The following ERBB2 variants were observed in gnomAD, a reference collection of about 807,000 sequenced individuals.
ERBB2 encodes the protein receptor tyrosine-protein kinase erbB-2.
A neutral mutation model predicts 149.0 loss-of-function variants in ERBB2; 61 were observed. The observed-to-expected ratio is 0.41, with a 90% confidence interval of 0.33 to 0.51. ERBB2 has a LOEUF of 0.51. Among genes scored for constraint, ERBB2 ranks in the 20% least tolerant of loss-of-function variants. ERBB2 has a pLI of 0.25. For synonymous variants in ERBB2, 633 were observed against 678.8 expected, an observed-to-expected ratio of 0.93 and a Z score of 1.05; for missense variants, 1,205 against 1,655.1, an observed-to-expected ratio of 0.73 and a Z score of 4.72.
rs1171027585 is a variant in ERBB2, at chr17:39,707,159, C to T, written c.225+18C>T. 5 of 1,534,060 alleles carry T rather than the reference C, an allele frequency of 3.3e-6. No homozygotes were observed. The highest frequency in any genetic ancestry group is 4.4e-6 in the Non-Finnish European group (5 of 1,135,900). ...TCCTGCAGGTGAGGCCCGTGGGCAA[C>T]CCAGCCAGGCCCTGCCTCCAGCTGG... is the stretch of plus-strand genomic sequence containing the variant. On this transcript the variant is annotated intron_variant, in intron 2 of 26. Transcript: ENST00000269571.
upstream of ERBB2, chr17:39,693,394 A>C (rs2145202104): frequency 6.6e-6 from 1 of 152,374 alleles, no homozygotes; most frequent in East Asian, 1.9e-4. Flanking sequence ...CCTTTATTGT[A>C]AAAATACAGT....
chr17:39,710,169 G>A lies in ERBB2; in HGVS notation c.727G>A (p.Gly243Ser), dbSNP rs533090552. Residue 243 changes from glycine (G) to serine (S), a missense_variant, in exon 6 of 27, where the codon GGC becomes AGC. Transcript: ENST00000269571. ...TDCCHEQCAAGCTGPKHSDCL... is the reference protein window; with the variant it reads ...TDCCHEQCAASCTGPKHSDCL... ...CTGCTGCCATGAGCAGTGTGCTGCC[G>A]GCTGCACGGGCCCCAAGCACTCTGA... 208 of 1,612,644 alleles carry A rather than the reference G, an allele frequency of 1.3e-4. No homozygotes were observed. The highest frequency in any genetic ancestry group is 1.7e-4 in the Non-Finnish European group (197 of 1,179,780).
rs4252658 is a variant in ERBB2 at position 39,728,110 on chromosome 17, C to T, written c.*66C>T. ...GGGAGCAGGGAAGGCCTGACTTCTG[C>T]TGGCATCAAGAGGTGGGAGGGCCCT... On this transcript the variant is annotated 3_prime_UTR_variant, in exon 27 of 27. Coordinates refer to ENST00000269571, the MANE Select transcript of ERBB2 (RefSeq NM_004448.4). 3.2e-4 allele frequency: 393 copies of T among 1,229,962 alleles called. 1 individual carries two copies. In the African/African-American group the frequency reaches 5.4e-3, roughly 17 times the overall value. The allele number at this position is 1,229,962 out of a possible 1,614,324, so 76.2% of individuals were successfully genotyped here.
upstream of ERBB2, among the ~76,000 whole-genome samples, chr17:39,691,922 CATATACATATACATAT>C (rs2057717359): frequency 1.0e-5 from 1 of 98,426 alleles, no homozygotes; most frequent in Non-Finnish European, 2.1e-5. Context: ...TATACATATA[CATATACATATACATAT>C]ATATATATAT....
intron 19 of ERBB2, 43 bp downstream of exon 19, chr17:39,724,053 C>T (rs2145830026): frequency 1.4e-6 from 2 of 1,428,160 alleles, no homozygotes; most frequent in Non-Finnish European, 2.0e-6. Flanking sequence ...CAGGAAGGAC[C>T]CCATGGCTGC....
chr17:39,727,241 C>A lies in ERBB2; in HGVS notation c.3160-54C>A, dbSNP rs2143218940. On this transcript the variant is annotated intron_variant, in intron 25 of 26. Coordinates refer to ENST00000269571, the MANE Select transcript of ERBB2 (RefSeq NM_004448.4). The surrounding 1 kb of genome is among the most constrained non-coding windows in gnomAD (Gnocchi z 4.3). ...GTGACCCTGTCACCTTCCATGGAGT[C>A]CCCATCCCAGATCCGTGAGTGACCC... The A allele has an allele frequency of 1.3e-6, 2 of 1,596,722 alleles. No homozygotes were observed. Among genetic ancestry groups the A allele is most frequent in the Non-Finnish European group, 1.7e-6 (2 of 1,172,428 alleles).
chr17:39,699,912 G>C, upstream of ERBB2: 2 of 907,032 alleles, frequency 2.2e-6, no homozygotes, highest in Non-Finnish European at 2.9e-6. Flanking sequence ...GAGGGAGAAA[G>C]TGAAGCTGGG....
chr17:39,720,580 G>C (rs972218725), intron 16 of ERBB2, among the ~76,000 whole-genome samples: 13 of 152,306 alleles, frequency 8.5e-5, no homozygotes, highest in East Asian at 1.9e-4. Context: ...AAGCAAGGGG[G>C]TATGGAGAGG....
Position 39,725,411 on chromosome 17 carries a change from TG to T in ERBB2, c.2725+15del, listed in dbSNP as rs984239228. 2.6e-6 allele frequency: 3 copies of T among 1,147,134 alleles called. No homozygotes were observed. The highest frequency in any genetic ancestry group is 1.7e-5 in the African/African-American group (1 of 60,470). 71.1% of individuals were successfully genotyped at this position (1,147,134 alleles called of 1,614,324 possible). ...TGATGTGTGGAGTTATGGTGTGTGATGGGGGGTGTTGGGAGGGGTGGGTGAG... is the reference window on the plus strand; with the variant it reads ...TGATGTGTGGAGTTATGGTGTGTGATGGGGGTGTTGGGAGGGGTGGGTGAG... On this transcript the variant is annotated intron_variant, in intron 22 of 26. Transcript: ENST00000269571. This position sits in a 1 kb window ranked among gnomAD's most constrained non-coding sequence, Gnocchi z 4.6.
At chr17:39,698,031 T>C (rs2057906457), upstream of ERBB2, among the ~76,000 whole-genome samples, 1 of 152,124 alleles carries the variant, frequency 6.6e-6, no homozygotes. Context: ...TCCCAAATTA[T>C]ATAAGCTTCA....
chr17:39,700,030 G>C, upstream of ERBB2: 2 of 1,268,042 alleles, frequency 1.6e-6, no homozygotes, highest in Non-Finnish European at 2.0e-6. Context: ...GGCTGCTTGA[G>C]GAAGTATAAG....
chr17:39,689,733 C>T (rs1179322891), intron 2 of ERBB2, among the ~76,000 whole-genome samples: 2 of 151,822 alleles, frequency 1.3e-5, no homozygotes, highest in Non-Finnish European at 2.9e-5. Flanking sequence ...TGGAGAAACC[C>T]CATCTCTACT....
In ERBB2 at chr17:39,710,424, A is replaced by G. The variant is rs778408285; in HGVS notation, c.844A>G (p.Met282Val). 1 of 1,614,168 alleles carries G rather than the reference A, an allele frequency of 6.2e-7. No homozygotes were observed. The stretch of plus-strand genomic sequence containing the variant: ...CTACAACACAGACACGTTTGAGTCC[A>G]TGCCCAATCCCGAGGGCCGGTATAC... ...VTYNTDTFES[M>V]PNPEGRYTFG... The change falls in exon 7 of 27, where the codon ATG (methionine) becomes GTG (valine). Residue 282 changes from methionine (M) to valine (V), a missense_variant. Transcript: ENST00000269571.
At chr17:39,716,698 C>T in intron 14 of ERBB2, 93 bp downstream of exon 14, 1 of 1,127,610 alleles carries the variant, frequency 8.9e-7, no homozygotes, top group Non-Finnish European at 1.3e-6. Context: ...GTAGGGTGTG[C>T]TATCTGGTAA....
At position 39,710,843 on chromosome 17, in the gene ERBB2, G is replaced by C. The variant is rs1421301242; in HGVS notation, c.901+362G>C. Among the ~76,000 whole-genome samples the C allele has an allele frequency of 2.0e-5, 3 of 152,196 alleles. No individual in the cohort carries two copies. In the East Asian group the frequency reaches 5.8e-4, roughly 29 times the overall value. ...TAATATTTGTAAAGCTCTTAGAACG[G>C]TGCCTGGTATGTACTAAGTGCTCCT... On this transcript the variant is annotated intron_variant, in intron 7 of 26. Transcript: ENST00000269571.
Position 39,709,891 on chromosome 17 carries a change from A to C in ERBB2, c.643+10A>C. 1 of 1,611,362 alleles carries C rather than the reference A, an allele frequency of 6.2e-7. No homozygotes were observed. The highest frequency in any genetic ancestry group is 8.5e-7 in the Non-Finnish European group (1 of 1,178,870). On this transcript the variant is annotated intron_variant, in intron 5 of 26. Transcript: ENST00000269571. Reference sequence around the variant, plus strand: ...GAGGATTGTCAGAGCCGTGAGTCTCAGGGAGGCCTGGAGTCAGGGAAGGGG... The same window carrying C: ...GAGGATTGTCAGAGCCGTGAGTCTCCGGGAGGCCTGGAGTCAGGGAAGGGG...
At chr17:39,691,904 T>TACATATAC (rs1386573320), upstream of ERBB2, among the ~76,000 whole-genome samples, 3 of 114,534 alleles carry the variant, frequency 2.6e-5, no homozygotes, top group African/African-American at 1.0e-4. Context: ...GATATAGATA[T>TACATATAC]ATATACATAT....
In ERBB2 at chr17:39,725,193, G is replaced by C. The variant is rs747974836; in HGVS notation, c.2638G>C (p.Asp880His). Residue 880 changes from aspartate to histidine, a missense_variant, in exon 21 of 27, where the codon GAT becomes CAT. Physicochemically the swap from Asp to His is moderately conservative, Grantham distance 81. This residue lies in a region of ERBB2 where 152 missense variants were observed against 318.1 expected (regional missense o/e 0.48). Coordinates refer to ENST00000269571, the MANE Select transcript of ERBB2 (RefSeq NM_004448.4). The surrounding 1 kb of genome is among the most constrained non-coding windows in gnomAD (Gnocchi z 4.6). ...CATTGACGAGACAGAGTACCATGCAGATGGGGGCAAGGTTAGGTGAAGGAC... is the reference window on the plus strand; with the variant it reads ...CATTGACGAGACAGAGTACCATGCACATGGGGGCAAGGTTAGGTGAAGGAC... ...LDIDETEYHA[D>H]GGKVPIKWMA... 4 of 1,613,964 alleles carry C rather than the reference G, an allele frequency of 2.5e-6. No homozygotes were observed. The East Asian group carries it at 8.9e-5, about 36-fold the overall frequency.
At chr17:39,716,277 G>T (rs2145672367) in intron 12 of ERBB2, 24 bp from the exon 13 acceptor site, 1 of 1,555,560 alleles carries the variant, frequency 6.4e-7, no homozygotes, top group East Asian at 2.4e-5. Flanking sequence ...AAAGTCCCCT[G>T]CGGTCCCTTC....
Sources: gnomAD v4.1 joint callset for allele counts (sites outside exome capture counted in the v4.1 genomes callset) on GRCh38, gnomAD v4.1.1 for gene constraint, gnomAD v4.1.1 regional missense constraint, Gnocchi (gnomAD v3.1) non-coding constraint, MANE v1.5 for transcripts, NCBI Gene and HGNC (gene_info 2026-07-23, HGNC 2026-07-21) for gene names.